The following HDAC8 variants were observed in gnomAD, a reference collection of about 807,000 sequenced individuals.
HDAC8 encodes histone deacetylase 8.
In HDAC8, 1 loss-of-function variant was observed where a neutral mutation model predicts 32.2. The ratio of observed to expected loss-of-function variants is 0.03; its 90% confidence interval spans 0.01 to 0.15. The LOEUF (loss-of-function observed/expected upper bound fraction) is 0.15. Ranked by LOEUF, HDAC8 falls within the 10% of genes least tolerant of loss-of-function variation. The pLI is 1.00. For synonymous variants in HDAC8, 108 were observed against 113.9 expected (o/e 0.95, Z 0.33); for missense variants, 117 against 300.0 (o/e 0.39, Z 4.51).
chrX:72,552,387 G>T (rs1468585115), intron 4 of HDAC8, among the ~76,000 whole-genome samples: 1 of 111,658 alleles, frequency 9.0e-6, no homozygotes, highest in African/African-American at 3.3e-5. Flanking sequence ...GAGGCAGGTA[G>T]GTCACCTGAG....
chrX:72,474,211 C>A (rs2048264778), intron 7 of HDAC8: 1 of 747,059 alleles, frequency 1.3e-6, no homozygotes, highest in Admixed American at 8.8e-5. Context: ...TCTTTGAATA[C>A]CCACAGCATT....
chrX:72,535,436 T>C (rs1174932793), intron 4 of HDAC8, among the ~76,000 whole-genome samples: 3 of 110,974 alleles, frequency 2.7e-5, no homozygotes, highest in African/African-American at 9.8e-5. Context: ...TGCCCTTGTG[T>C]CTCTCCTTCT....
intron 4 of HDAC8, among the ~76,000 whole-genome samples, chrX:72,564,444 A>G (rs1556128965): frequency 8.9e-6 from 1 of 112,604 alleles, no homozygotes; most frequent in East Asian, 2.8e-4. Context: ...AAAATTTTGT[A>G]CAGTCGGGTT....
At chrX:72,348,269 C>G (rs1185270049) in intron 10 of HDAC8, among the ~76,000 whole-genome samples, 2 of 112,268 alleles carry the variant, frequency 1.8e-5, no homozygotes, top group East Asian at 5.6e-4. Flanking sequence ...ACATCCTACT[C>G]TTTGTTTTTC....
intron 9 of HDAC8, among the ~76,000 whole-genome samples, chrX:72,416,379 T>C (rs1336903445): frequency 1.0e-5 from 1 of 98,484 alleles, no homozygotes; most frequent in Non-Finnish European, 2.0e-5. Flanking sequence ...CCCATTTCAT[T>C]CCTGATATTG....
chrX:72,468,350 G>A (rs1169850681), intron 7 of HDAC8, among the ~76,000 whole-genome samples: 6 of 111,177 alleles, frequency 5.4e-5, no homozygotes, highest in African/African-American at 2.0e-4. Context: ...AGCAAGGTAA[G>A]GTAAATTTGG....
At chrX:72,563,921 G>A (rs1206931642) in intron 4 of HDAC8, among the ~76,000 whole-genome samples, 1 of 111,428 alleles carries the variant, frequency 9.0e-6, no homozygotes. Flanking sequence ...CAGCACCTTG[G>A]GAGGCCGAGG....
At chrX:72,371,098 A>AT (rs2044860641) in intron 9 of HDAC8, among the ~76,000 whole-genome samples, 2 of 112,031 alleles carry the variant, frequency 1.8e-5, no homozygotes, top group African/African-American at 6.5e-5. Context: ...ATGTTAAGAA[A>AT]AGGTCCTTAT....
intron 7 of HDAC8, among the ~76,000 whole-genome samples, chrX:72,479,041 C>G (rs1378423484): frequency 9.0e-6 from 1 of 111,555 alleles, no homozygotes; most frequent in African/African-American, 3.3e-5. Flanking sequence ...CAAAGTCCAG[C>G]CAACGTAACA....
At chrX:72,386,361 A>C (rs2045427637) in intron 9 of HDAC8, among the ~76,000 whole-genome samples, 1 of 111,786 alleles carries the variant, frequency 8.9e-6, no homozygotes, top group Non-Finnish European at 1.9e-5. Flanking sequence ...ATACACATCA[A>C]ATTTATGACA....
chrX:72,545,697 G>A (rs1054411275), intron 4 of HDAC8, among the ~76,000 whole-genome samples: 1 of 112,068 alleles, frequency 8.9e-6, no homozygotes, highest in Admixed American at 9.4e-5. Flanking sequence ...AGGGGCTAGT[G>A]CCTTATGGGT....
In HDAC8 at chrX:72,384,579, G is replaced by A. The variant is rs782116210; in HGVS notation, c.1006-32741C>T. Among the ~76,000 whole-genome samples, 33 of 111,551 alleles carry A rather than the reference G, an allele frequency of 3.0e-4. 1 individual carries two copies. The South Asian group carries it at 9.2e-3, about 31-fold the overall frequency. On this transcript the variant is annotated intron_variant, in intron 9 of 10. Coordinates refer to ENST00000373573, the MANE Select transcript of HDAC8 (RefSeq NM_018486.3). ...ACAAGGGCCCCAATTTAGCCTGCCC[G>A]CCCTAACTTTGGAGGCTAGATTAAA...
chrX:72,504,190 A>C (rs2148173141), intron 4 of HDAC8, among the ~76,000 whole-genome samples: 1 of 112,067 alleles, frequency 8.9e-6, no homozygotes, highest in South Asian at 3.8e-4. Flanking sequence ...ACATAACATA[A>C]AATTAATTAT....
intron 9 of HDAC8, among the ~76,000 whole-genome samples, chrX:72,404,564 C>G (rs1555968305): frequency 9.0e-6 from 1 of 110,534 alleles, no homozygotes; most frequent in African/African-American, 3.3e-5. Context: ...ATTTTCCTTA[C>G]TTAGTGAGGA....
chrX:72,524,620 G>A (rs1402017239), intron 4 of HDAC8, among the ~76,000 whole-genome samples: 5 of 111,355 alleles, frequency 4.5e-5, no homozygotes, highest in African/African-American at 1.3e-4. Flanking sequence ...TTTTGTCTGC[G>A]TAGATGGTGA....
At chrX:72,388,866 G>C (rs1235300358) in intron 9 of HDAC8, among the ~76,000 whole-genome samples, 1 of 111,668 alleles carries the variant, frequency 9.0e-6, no homozygotes, top group East Asian at 2.8e-4. Flanking sequence ...CAAGCCATGA[G>C]GTGCACCTTC....
intron 5 of HDAC8, among the ~76,000 whole-genome samples, chrX:72,492,227 A>C (rs1472256030): frequency 8.9e-6 from 1 of 112,515 alleles, no homozygotes; most frequent in Non-Finnish European, 1.9e-5. Flanking sequence ...TGGACCAATC[A>C]TGTATGAGAG....
intron 9 of HDAC8, among the ~76,000 whole-genome samples, chrX:72,450,342 A>G (rs2047538570): frequency 8.9e-6 from 1 of 112,344 alleles, no homozygotes; most frequent in South Asian, 3.7e-4. Flanking sequence ...TGACGACGGT[A>G]GTAGTTACAT....
chrX:72,566,000 A>G (rs1556132940), intron 4 of HDAC8, among the ~76,000 whole-genome samples: 1 of 109,836 alleles, frequency 9.1e-6, no homozygotes, highest in Non-Finnish European at 1.9e-5. Flanking sequence ...TACAAAAATT[A>G]TCCAAGCATG....
Sources: gnomAD v4.1 joint callset for allele counts (sites outside exome capture counted in the v4.1 genomes callset) on GRCh38, gnomAD v4.1.1 for gene constraint, MANE v1.5 for transcripts, NCBI Gene and HGNC (gene_info 2026-07-23, HGNC 2026-07-21) for gene names.